GRIP2: variants seen among roughly 807,000 people sequenced by gnomAD.
GRIP2 encodes glutamate receptor interacting protein 2.
In GRIP2, 58 loss-of-function variants were observed where a neutral mutation model predicts 108.3. That is an observed-to-expected ratio of 0.54 (90% confidence interval 0.43 to 0.67). The LOEUF (loss-of-function observed/expected upper bound fraction) is 0.67, where lower values mean the gene tolerates loss of function less well. GRIP2 is among the 30% of genes least tolerant of loss of function. The pLI is 0.00. For synonymous variants in GRIP2, 586 were observed against 598.2 expected, an observed-to-expected ratio of 0.98 and a Z score of 0.30; for missense variants, 1,278 against 1,430.6, an observed-to-expected ratio of 0.89 and a Z score of 1.72.
At chr3:14,581,348 A>C in the GRIP2 span, among the ~76,000 whole-genome samples, 190 of 152,282 alleles carry the variant, frequency 1.2e-3, 1 homozygote, top group Admixed American at 5.4e-3. Flanking sequence ...CCCCCTGTCC[A>C]TGTGATTTCC....
the GRIP2 span, among the ~76,000 whole-genome samples, chr3:14,586,523 G>A: frequency 6.6e-6 from 1 of 152,206 alleles, no homozygotes; most frequent in Non-Finnish European, 1.5e-5. Flanking sequence ...CCGGAGGCTG[G>A]TTCCCTGAAT....
In GRIP2 at chr3:14,496,406, C is replaced by A. The variant is rs570717823; in HGVS notation, c.2823+11G>T. 5 of 1,604,606 alleles carry A rather than the reference C, an allele frequency of 3.1e-6. No individual in the cohort carries two copies. The African/African-American group carries it at 6.7e-5, about 21-fold the overall frequency. ...AGGTCCAGGTCTCCTGTGCTCACCC[C>A]CTGTGCCTACCTTGTGCATCTCCAA... On this transcript the variant is annotated intron_variant, in intron 22 of 23. Transcript: ENST00000621039.
rs187276064 is a variant in GRIP2 at position 14,497,246 on chromosome 3, C to T, written c.2680-686G>A. Among the ~76,000 whole-genome samples, 84 of 152,282 alleles carry T rather than the reference C, an allele frequency of 5.5e-4. No homozygotes were observed. The East Asian group carries it at 0.013, about 23-fold the overall frequency. ...CTTCCCAAAGTGCTGGGATTACAGG[C>T]GTGAGCCATCATGCCCAGCCCCAAA... On this transcript the variant is annotated intron_variant, in intron 21 of 23. Transcript: ENST00000621039.
At chr3:14,504,309 G>GTTTTTTTT (rs35560980) in intron 20 of GRIP2, among the ~76,000 whole-genome samples, 1 of 121,602 alleles carries the variant, frequency 8.2e-6, no homozygotes, top group Non-Finnish European at 1.7e-5. Context: ...GCACTTGCTT[G>GTTTTTTTT]TTTTTTTTTT....
At chr3:14,499,795 G>T (rs1428786892) in intron 21 of GRIP2, among the ~76,000 whole-genome samples, 1 of 152,078 alleles carries the variant, frequency 6.6e-6, no homozygotes, top group Non-Finnish European at 1.5e-5. Context: ...GTTTACAGGG[G>T]TGTCCAAACT....
the GRIP2 span, among the ~76,000 whole-genome samples, chr3:14,575,571 T>C: frequency 1.3e-5 from 2 of 152,156 alleles, no homozygotes; most frequent in African/African-American, 2.4e-5. Context: ...CTGTGGGATA[T>C]TCGCTTTAAT....
upstream of GRIP2, among the ~76,000 whole-genome samples, chr3:14,540,830 C>G (rs1314616786): frequency 2.0e-5 from 3 of 152,206 alleles, no homozygotes; most frequent in Non-Finnish European, 4.4e-5. The surrounding 1 kb of genome is among the most constrained non-coding windows in gnomAD (Gnocchi z 4.1). Context: ...GCTTAGAAAC[C>G]CTTGAGCTTG....
chr3:14,528,409 C>G (rs1436427834), intron 1 of GRIP2, among the ~76,000 whole-genome samples: 3 of 152,120 alleles, frequency 2.0e-5, no homozygotes, highest in Admixed American at 6.5e-5. Context: ...AATGGCATTG[C>G]TAGGTGGTAT....
At chr3:14,524,202 C>T in intron 4 of GRIP2, 191 bp downstream of exon 4, 1 of 621,850 alleles carries the variant, frequency 1.6e-6, no homozygotes, top group Non-Finnish European at 2.8e-6. Context: ...TAGAGTCCCA[C>T]CACCTCCTGG....
intron 16 of GRIP2, among the ~76,000 whole-genome samples, chr3:14,510,262 T>G (rs1363742263): frequency 1.4e-4 from 21 of 146,634 alleles, no homozygotes; most frequent in African/African-American, 5.0e-4. Context: ...TCCGTTGTTT[T>G]TTTTTTTTTT....
At chr3:14,595,057 C>T in the GRIP2 span, among the ~76,000 whole-genome samples, 1 of 151,978 alleles carries the variant, frequency 6.6e-6, no homozygotes. Context: ...CCACTACACC[C>T]GACTAATTTT....
At chr3:14,520,787 C>A in intron 7 of GRIP2, 1 of 529,464 alleles carries the variant, frequency 1.9e-6, no homozygotes, top group Admixed American at 3.2e-5. Flanking sequence ...CAGGGCTTTG[C>A]TGGGTGAAAT....
chr3:14,525,390 T>C (rs755591320), intron 3 of GRIP2, 47 bp downstream of exon 3: 1 of 1,600,334 alleles, frequency 6.2e-7, no homozygotes, highest in Non-Finnish European at 8.5e-7. Context: ...GCTCCCATCA[T>C]TGCCTCTGCA....
chr3:14,538,147 G>A (rs969534285), intron 1 of GRIP2, among the ~76,000 whole-genome samples: 6 of 152,190 alleles, frequency 3.9e-5, no homozygotes, highest in Non-Finnish European at 8.8e-5. Context: ...CTGGTCCACA[G>A]AGCCCAGCTC....
upstream of GRIP2, among the ~76,000 whole-genome samples, chr3:14,546,557 C>T (rs752988243): frequency 1.3e-5 from 2 of 151,970 alleles, no homozygotes; most frequent in Admixed American, 6.6e-5. Flanking sequence ...CAATAGGGCA[C>T]GTTTGAGGAA....
At chr3:14,553,013 C>T (rs1191257023) in intron 1 of GRIP2, among the ~76,000 whole-genome samples, 1 of 152,194 alleles carries the variant, frequency 6.6e-6, no homozygotes, top group African/African-American at 2.4e-5. Context: ...CCTCCTCCAC[C>T]CTGCCTCCCT....
chr3:14,566,415 C>G, the GRIP2 span, among the ~76,000 whole-genome samples: 1 of 152,236 alleles, frequency 6.6e-6, no homozygotes, highest in Non-Finnish European at 1.5e-5. Flanking sequence ...CAGGAAGCCC[C>G]AGATGGTAGC....
chr3:14,507,849 G>A lies in GRIP2; in HGVS notation c.2079-149C>T, dbSNP rs533227426. On this transcript the variant is annotated intron_variant, in intron 17 of 23. Transcript: ENST00000621039. This position sits in a 1 kb window ranked among gnomAD's most constrained non-coding sequence, Gnocchi z 4.6. ...GCTGCCAAAAACAAAACAAAAGCAC[G>A]CAAGTATGATCTTGGATCACATTAA... 27 of 806,862 alleles carry A rather than the reference G, an allele frequency of 3.3e-5. 1 individual carries two copies. The highest frequency in any genetic ancestry group is 1.8e-4 in the South Asian group (10 of 55,936). 50.0% of individuals were successfully genotyped at this position (806,862 alleles called of 1,614,324 possible).
In GRIP2 at chr3:14,525,425, C is replaced by G. The variant is rs1320361548; in HGVS notation, c.257+12G>C. 5 of 1,608,144 alleles carry G rather than the reference C, an allele frequency of 3.1e-6. No homozygotes were observed. Among genetic ancestry groups the G allele is most frequent in the East Asian group, 2.2e-5 (1 of 44,622 alleles). ...ACCCCCCTCCTGCGGCCGTGCCAAGCCCACTTCTCACCTGGCTGCAAGTCC... is the reference window on the plus strand; with the variant it reads ...ACCCCCCTCCTGCGGCCGTGCCAAGGCCACTTCTCACCTGGCTGCAAGTCC... On this transcript the variant is annotated intron_variant, in intron 3 of 23. Transcript: ENST00000621039.
Sources: allele counts gnomAD v4.1 joint callset (sites outside exome capture counted in the v4.1 genomes callset), GRCh38; gene constraint gnomAD v4.1.1; non-coding constraint Gnocchi (gnomAD v3.1); transcripts MANE v1.5; gene names NCBI Gene and HGNC (gene_info 2026-07-23, HGNC 2026-07-21).